C12orf42: variants seen among roughly 807,000 people sequenced by gnomAD.
C12orf42 encodes chromosome 12 open reading frame 42.
A neutral mutation model predicts 21.6 loss-of-function variants in C12orf42; 25 were observed. The observed-to-expected ratio is 1.16, with a 90% CI of 0.84 to 1.62. The LOEUF is 1.62. Ranked by LOEUF, C12orf42 falls within the 40% of genes most tolerant of loss-of-function variation. The pLI is 0.00. For synonymous variants in C12orf42, 174 were observed against 175.0 expected, an observed-to-expected ratio of 0.99 and a Z score of 0.05; for missense variants, 483 against 459.3, an observed-to-expected ratio of 1.05 and a Z score of -0.47.
chr12:103,471,213 A>G lies in C12orf42; in HGVS notation c.78+7136T>C, dbSNP rs150038198. On this transcript the variant is annotated intron_variant, in intron 2 of 5. Transcript: ENST00000548883. ...ATCAGTGCATCCATATAATATATAC[A>G]ATATATAATATTAATGTGTTTCATG... Among the ~76,000 whole-genome samples, 343 of 152,332 alleles carry G rather than the reference A, an allele frequency of 2.3e-3. 2 individuals are homozygous for G. Among genetic ancestry groups the G allele is most frequent in the African/African-American group, 8.0e-3 (331 of 41,564 alleles).
chr12:103,536,357 G>A, the C12orf42 span, among the ~76,000 whole-genome samples: 1 of 152,156 alleles, frequency 6.6e-6, no homozygotes, highest in African/African-American at 2.4e-5. Context: ...TCAGGTAAAG[G>A]GAAAGGTATG....
the C12orf42 span, among the ~76,000 whole-genome samples, chr12:103,534,028 G>A: frequency 6.6e-6 from 1 of 152,208 alleles, no homozygotes; most frequent in African/African-American, 2.4e-5. Flanking sequence ...TAAGTGCTTA[G>A]CCCCATGCTT....
chr12:103,394,530 T>G (rs970878218), intron 3 of C12orf42, among the ~76,000 whole-genome samples: 1 of 152,242 alleles, frequency 6.6e-6, no homozygotes, highest in African/African-American at 2.4e-5. Flanking sequence ...TCCGCTATGC[T>G]AATAATTTAA....
intron 4 of C12orf42, among the ~76,000 whole-genome samples, chr12:103,356,550 T>C (rs2043579928): frequency 6.6e-6 from 1 of 152,014 alleles, no homozygotes; most frequent in African/African-American, 2.4e-5. Flanking sequence ...AGTAATGGGA[T>C]GGCTGGGTCA....
chr12:103,153,272 TA>T, the C12orf42 span, among the ~76,000 whole-genome samples: 70 of 152,274 alleles, frequency 4.6e-4, no homozygotes, highest in African/African-American at 1.6e-3. Flanking sequence ...GAGTAGCAAA[TA>T]TTTTTTAAGA....
chr12:103,485,783 T>A (rs889031113), intron 1 of C12orf42, among the ~76,000 whole-genome samples: 10 of 152,192 alleles, frequency 6.6e-5, no homozygotes, highest in African/African-American at 2.4e-4. Context: ...TTTCTATTAT[T>A]GGTATATAGG....
downstream of C12orf42, among the ~76,000 whole-genome samples, chr12:103,264,785 G>A (rs2035081606): frequency 6.6e-6 from 1 of 152,050 alleles, no homozygotes; most frequent in Admixed American, 6.6e-5. Flanking sequence ...TCTAGAGCTG[G>A]AACACACTCC....
At chr12:103,120,968 A>G in the C12orf42 span, among the ~76,000 whole-genome samples, 1 of 152,252 alleles carries the variant, frequency 6.6e-6, no homozygotes, top group South Asian at 2.1e-4. Flanking sequence ...CTCTGGAATT[A>G]GTGGATTAAA....
downstream of C12orf42, among the ~76,000 whole-genome samples, chr12:103,266,122 A>T (rs1053275410): frequency 6.6e-6 from 1 of 152,118 alleles, no homozygotes; most frequent in Non-Finnish European, 1.5e-5. Flanking sequence ...AGCCTCCTCA[A>T]ATGCTTCTAA....
At chr12:103,338,407 T>A (rs1231732214) in intron 4 of C12orf42, among the ~76,000 whole-genome samples, 2 of 152,190 alleles carry the variant, frequency 1.3e-5, no homozygotes, top group Non-Finnish European at 2.9e-5. Flanking sequence ...CATTTCAGAT[T>A]TTGCATTTTC....
chr12:103,542,547 C>T, the C12orf42 span, among the ~76,000 whole-genome samples: 5,457 of 152,334 alleles, frequency 0.036, 133 homozygotes, highest in South Asian at 0.068. Flanking sequence ...ACAGTGGAAA[C>T]TCCAGGGCCT....
the C12orf42 span, among the ~76,000 whole-genome samples, chr12:103,535,317 T>C: frequency 6.6e-6 from 1 of 152,042 alleles, no homozygotes; most frequent in Non-Finnish European, 1.5e-5. Context: ...GACTGAAGTA[T>C]AAAATACAAG....
At chr12:103,240,122 A>C (rs549667897) in intron 10 of C12orf42, among the ~76,000 whole-genome samples, 1 of 152,320 alleles carries the variant, frequency 6.6e-6, no homozygotes, top group South Asian at 2.1e-4. Context: ...CTATCATATA[A>C]TAAACGTCAA....
intron 1 of C12orf42, among the ~76,000 whole-genome samples, chr12:103,491,098 C>T (rs550442158): frequency 6.6e-6 from 1 of 152,218 alleles, no homozygotes; most frequent in Admixed American, 6.5e-5. Context: ...TGTGGAACTT[C>T]TTTTTCCTTA....
chr12:103,357,246 T>C (rs538330573), intron 4 of C12orf42, among the ~76,000 whole-genome samples: 1 of 151,582 alleles, frequency 6.6e-6, no homozygotes, highest in South Asian at 2.1e-4. Context: ...TGTGTACATA[T>C]GTAACTAAAC....
chr12:103,140,871 C>T, the C12orf42 span, among the ~76,000 whole-genome samples: 7 of 152,184 alleles, frequency 4.6e-5, no homozygotes, highest in East Asian at 1.9e-4. Flanking sequence ...ATACAATGTA[C>T]GCATTGCACA....
chr12:103,076,576 A>G, the C12orf42 span, among the ~76,000 whole-genome samples: 13 of 152,282 alleles, frequency 8.5e-5, no homozygotes, highest in Admixed American at 3.3e-4. Flanking sequence ...ACTCCAGTGA[A>G]TAAGTGGAAT....
intron 4 of C12orf42, among the ~76,000 whole-genome samples, chr12:103,354,603 G>A (rs1307689090): frequency 2.6e-5 from 4 of 152,144 alleles, no homozygotes; most frequent in African/African-American, 7.2e-5. Context: ...AGTGTTTGGT[G>A]CAGAGTCAGC....
the C12orf42 span, among the ~76,000 whole-genome samples, chr12:103,137,099 T>C: frequency 4.6e-5 from 7 of 152,296 alleles, 1 homozygote; most frequent in African/African-American, 1.4e-4. Flanking sequence ...ACCTGTTGAA[T>C]GGAATAAAAT....
Sources: gnomAD v4.1 joint callset for allele counts (sites outside exome capture counted in the v4.1 genomes callset) on GRCh38, gnomAD v4.1.1 for gene constraint, MANE v1.5 for transcripts, NCBI Gene and HGNC (gene_info 2026-07-23, HGNC 2026-07-21) for gene names.